The following FRY variants were observed in gnomAD, a reference collection of about 807,000 sequenced individuals.
The protein encoded by FRY is protein furry homolog.
In FRY, 128 loss-of-function variants were observed where a neutral mutation model predicts 348.4. The observed-to-expected ratio is 0.37, with a 90% CI of 0.32 to 0.43. FRY has a LOEUF of 0.43. Ranked by LOEUF, FRY falls within the 20% of genes least tolerant of loss-of-function variation. The pLI, the probability that FRY is intolerant of heterozygous loss-of-function variation, is 1.00. For missense variants in FRY, 2,736 were observed against 3,695.2 expected, an observed-to-expected ratio of 0.74 and a Z score of 6.73; for synonymous variants, 1,370 against 1,374.7, an observed-to-expected ratio of 1.00 and a Z score of 0.08.
intron 51 of FRY, among the ~76,000 whole-genome samples, chr13:32,256,012 C>T (rs939839958): frequency 2.0e-5 from 3 of 151,948 alleles, no homozygotes; most frequent in Admixed American, 6.6e-5. Context: ...TGATGTAAAG[C>T]GAAGTAATCC....
intron 14 of FRY, among the ~76,000 whole-genome samples, chr13:32,151,789 G>T (rs1485732211): frequency 6.6e-6 from 1 of 152,146 alleles, no homozygotes; most frequent in East Asian, 1.9e-4. Flanking sequence ...GAAGTCGGAG[G>T]TCTTATGTAG....
At chr13:32,135,359 A>G (rs1018564954) in intron 10 of FRY, among the ~76,000 whole-genome samples, 176 bp downstream of exon 10, 2 of 152,226 alleles carry the variant, frequency 1.3e-5, no homozygotes, top group Non-Finnish European at 2.9e-5. Flanking sequence ...CCATGATTGA[A>G]TGATATTCAT....
intron 34 of FRY, 72 bp from the exon 35 acceptor site, chr13:32,212,220 T>C (rs1884727082): frequency 1.2e-6 from 1 of 812,968 alleles, no homozygotes; most frequent in Admixed American, 2.0e-5. Context: ...TCCCTGGAAT[T>C]ACTTGAGACT....
At chr13:32,176,307 T>G (rs540455182) in intron 20 of FRY, among the ~76,000 whole-genome samples, 159 of 152,326 alleles carry the variant, frequency 1.0e-3, no homozygotes, top group African/African-American at 3.7e-3. Flanking sequence ...AGGACCTGGA[T>G]TAATTTGGGC....
At chr13:32,208,752 A>G (rs1884503733) in intron 31 of FRY, 101 bp from the exon 32 acceptor site, 2 of 1,400,090 alleles carry the variant, frequency 1.4e-6, no homozygotes, top group Non-Finnish European at 2.0e-6. Context: ...AATGTTTTGT[A>G]AACGTAGGAC....
chr13:32,053,655 T>G (rs901720834), intron 1 of FRY, among the ~76,000 whole-genome samples: 1 of 152,244 alleles, frequency 6.6e-6, no homozygotes, highest in Non-Finnish European at 1.5e-5. Context: ...GCGTCCCTGA[T>G]GCACTTTGGA....
chr13:32,261,701 A>G lies in FRY; in HGVS notation c.7502A>G (p.Glu2501Gly), dbSNP rs1399365579. 1 of 1,614,010 alleles carries G rather than the reference A, an allele frequency of 6.2e-7. No homozygotes were observed. Among genetic ancestry groups the G allele is most frequent in the African/African-American group, 1.3e-5 (1 of 74,896 alleles). The change falls in exon 52 of 61, where the codon GAG (glutamate) becomes GGG (glycine). Residue 2501 changes from glutamate to glycine, a missense_variant. By Grantham distance (98) the Glu-to-Gly change is moderately conservative (BLOSUM62 -2). Transcript: ENST00000542859. The part of the protein sequence containing the change: ...LDKCDMQILE[E>G]RQLSGSTPSL... ...AAGTGTGATATGCAGATTCTGGAGGAGCGCCAACTGTCAGGAAGCACTCCT... is the reference window on the plus strand; with the variant it reads ...AAGTGTGATATGCAGATTCTGGAGGGGCGCCAACTGTCAGGAAGCACTCCT...
chr13:32,102,131 A>G (rs1472598686), intron 3 of FRY, 115 bp downstream of exon 3: 7 of 733,006 alleles, frequency 9.5e-6, no homozygotes, highest in Admixed American at 1.9e-5. Context: ...GTATATGGGT[A>G]TGTGGTCTTA....
chr13:32,209,494 C>G, intron 32 of FRY, 91 bp from the exon 33 acceptor site: 3 of 1,214,594 alleles, frequency 2.5e-6, no homozygotes, highest in Non-Finnish European at 3.6e-6. Context: ...GATTTTGAGA[C>G]GGTCATGACC....
At chr13:32,135,244 CA>C (rs1879635705) in intron 10 of FRY, 61 bp downstream of exon 10, 5 of 1,026,220 alleles carry the variant, frequency 4.9e-6, no homozygotes, top group Non-Finnish European at 1.5e-6. Context: ...AATTCCTAGA[CA>C]GGAATCTGTT....
chr13:32,078,940 C>G lies in FRY; in HGVS notation c.177C>G (p.Asp59Glu). The change falls in exon 2 of 61, where the codon GAC (aspartate) becomes GAG (glutamate). Residue 59 changes from aspartate to glutamate, a missense_variant. By Grantham distance (45) the Asp-to-Glu change is conservative. Transcript: ENST00000542859. ...TGCTACCCATCAATGTGGACCCAGACAGTAAACCAGGAGAATATGTCCTCA... is the reference window on the plus strand; with the variant it reads ...TGCTACCCATCAATGTGGACCCAGAGAGTAAACCAGGAGAATATGTCCTCA... ...PTMLPINVDP[D>E]SKPGEYVLKS... 6.2e-7 allele frequency: 1 copy of G among 1,613,728 alleles called. No homozygotes were observed. The highest frequency in any genetic ancestry group is 8.5e-7 in the Non-Finnish European group (1 of 1,179,610).
intron 1 of FRY, among the ~76,000 whole-genome samples, chr13:32,034,102 T>A (rs1016469875): frequency 6.6e-6 from 1 of 152,220 alleles, no homozygotes; most frequent in Non-Finnish European, 1.5e-5. Context: ...TGAGGATGTC[T>A]GCCCACATAC....
At chr13:32,045,262 C>T (rs773254894) in intron 1 of FRY, among the ~76,000 whole-genome samples, 5 of 152,146 alleles carry the variant, frequency 3.3e-5, no homozygotes, top group Non-Finnish European at 7.3e-5. Context: ...ATCCAAATTG[C>T]TGCTAAAACT....
chr13:32,130,740 T>A lies in FRY; in HGVS notation c.717-932T>A, dbSNP rs568448681. ...TTGTTTTGCACTTATCAGATAAAAC[T>A]GTAAAATTCCATGAATATAATAGAC... On this transcript the variant is annotated intron_variant, in intron 7 of 60. Coordinates refer to ENST00000542859, the MANE Select transcript of FRY (RefSeq NM_023037.3). Among the ~76,000 whole-genome samples the A allele has an allele frequency of 1.2e-4, 18 of 152,304 alleles. No individual in the cohort carries two copies. In the South Asian group the frequency reaches 3.7e-3, roughly 32 times the overall value.
At position 32,237,582 on chromosome 13, in the gene FRY, G is replaced by A; in HGVS notation, c.6014G>A (p.Arg2005Lys). 1 of 1,614,080 alleles carries A rather than the reference G, an allele frequency of 6.2e-7. No homozygotes were observed. The highest frequency in any genetic ancestry group is 8.5e-7 in the Non-Finnish European group (1 of 1,180,004). Residue 2005 changes from arginine (R) to lysine (K), a missense_variant, in exon 44 of 61, where the codon AGA (arginine) becomes AAA (lysine). Physicochemically the swap from Arg to Lys is conservative, Grantham distance 26. Around this residue, in one of 9 missense-constraint regions of FRY, gnomAD observed 12 missense variants for 38.6 expected, o/e 0.31. Coordinates refer to ENST00000542859, the MANE Select transcript of FRY (RefSeq NM_023037.3). The surrounding 1 kb of genome is among the most constrained non-coding windows in gnomAD (Gnocchi z 6.3). The stretch of plus-strand genomic sequence containing the variant: ...CCACCTCGAAGTGCCACACTGGACA[G>A]AATTCAGGCTTGTACCCAACAAGGC... The part of the protein sequence containing the change: ...SDPPRSATLD[R>K]IQACTQQGLS...
At chr13:32,206,729 G>C (rs1884373393) in intron 31 of FRY, among the ~76,000 whole-genome samples, 1 of 152,138 alleles carries the variant, frequency 6.6e-6, no homozygotes, top group African/African-American at 2.4e-5. Flanking sequence ...ATTACCTTTT[G>C]GCTGTTTTAG....
Position 32,197,327 on chromosome 13 carries a change from C to T in FRY, c.3746+3030C>T, listed in dbSNP as rs78202063. ...AATTCTTAAAAGTGAATGCCTATTT[C>T]TTCAGGGAATATTATCCATCTATCA... On this transcript the variant is annotated intron_variant, in intron 29 of 60. Coordinates refer to ENST00000542859, the MANE Select transcript of FRY (RefSeq NM_023037.3). 1.8e-3 allele frequency among the ~76,000 whole-genome samples: 275 copies of T among 152,256 alleles called. 1 individual carries two copies. The highest frequency in any genetic ancestry group is 6.2e-3 in the African/African-American group (258 of 41,556).
chr13:32,179,891 G>A (rs541290425), intron 23 of FRY, 92 bp downstream of exon 23: 67 of 1,284,806 alleles, frequency 5.2e-5, no homozygotes, highest in Middle Eastern at 3.8e-4. Flanking sequence ...GTGTGTTGGC[G>A]TGTGCCCAGA....
chr13:32,271,943 T>G (rs948390379), intron 55 of FRY, among the ~76,000 whole-genome samples: 7 of 152,186 alleles, frequency 4.6e-5, no homozygotes, highest in Non-Finnish European at 8.8e-5. Context: ...TCATTTGGAT[T>G]TGAATTTCTT....
Sources: gnomAD v4.1 joint callset for allele counts (sites outside exome capture counted in the v4.1 genomes callset) on GRCh38, gnomAD v4.1.1 for gene constraint, gnomAD v4.1.1 regional missense constraint, Gnocchi (gnomAD v3.1) non-coding constraint, MANE v1.5 for transcripts, NCBI Gene and HGNC (gene_info 2026-07-23, HGNC 2026-07-21) for gene names.